The following STARD9 variants were observed in gnomAD, a reference collection of about 807,000 sequenced individuals.
STARD9 encodes the protein StAR related lipid transfer domain containing 9.
Under a neutral mutation model 399.8 loss-of-function variants are expected in STARD9, and 346 were observed. The ratio of observed to expected loss-of-function variants is 0.87; its 90% CI spans 0.79 to 0.95. STARD9 has a LOEUF of 0.95. STARD9 is among the 40% of genes least tolerant of loss of function. The pLI is 0.00. For missense variants in STARD9, 5,832 were observed against 5,667.5 expected, an observed-to-expected ratio of 1.03 and a Z score of -0.93; for synonymous variants, 2,203 against 2,143.5, an observed-to-expected ratio of 1.03 and a Z score of -0.77.
intron 26 of STARD9, among the ~76,000 whole-genome samples, chr15:42,706,891 C>T (rs1405811426): frequency 2.0e-5 from 3 of 152,132 alleles, no homozygotes; most frequent in Non-Finnish European, 4.4e-5. Flanking sequence ...ATCCATCCAT[C>T]TATCTATTTT....
intron 3 of STARD9, among the ~76,000 whole-genome samples, chr15:42,627,643 T>C (rs1377158133): frequency 6.6e-6 from 1 of 152,214 alleles, no homozygotes; most frequent in Non-Finnish European, 1.5e-5. Context: ...ACTCTCTGTT[T>C]TCATGAGTTC....
chr15:42,666,624 C>A (rs964565461), intron 15 of STARD9, among the ~76,000 whole-genome samples: 1 of 152,024 alleles, frequency 6.6e-6, no homozygotes, highest in African/African-American at 2.4e-5. Flanking sequence ...CTTCTTGAAT[C>A]AGGTTGGTGA....
intron 3 of STARD9, among the ~76,000 whole-genome samples, chr15:42,623,695 C>T (rs2059138238): frequency 6.6e-6 from 1 of 152,146 alleles, no homozygotes; most frequent in Non-Finnish European, 1.5e-5. Flanking sequence ...GTAGTCTCTC[C>T]CTTCTCTTGT....
At chr15:42,674,334 C>A in intron 16 of STARD9, 106 bp from the exon 17 acceptor site, 1 of 914,796 alleles carries the variant, frequency 1.1e-6, no homozygotes, top group Non-Finnish European at 1.7e-6. Flanking sequence ...AGAAGTGGTA[C>A]AGATGAGGCT....
At chr15:42,718,933 C>A (rs1313226186) in intron 32 of STARD9, 23 bp downstream of exon 32, 1 of 1,534,912 alleles carries the variant, frequency 6.5e-7, no homozygotes, top group South Asian at 1.2e-5. Context: ...TTGCAGCTGG[C>A]CTCACAGCAC....
rs768698358 is a variant in STARD9 at position 42,689,217 on chromosome 15, A to G, written c.7639A>G (p.Met2547Val). The G allele has an allele frequency of 3.3e-6, 5 of 1,537,288 alleles. No homozygotes were observed. Among genetic ancestry groups the G allele is most frequent in the Admixed American group, 2.0e-5 (1 of 51,008 alleles). ...RLLEPSDHAS[M>V]CLAILEEIRQ... ...GTTGGAGCCCTCTGACCATGCATCC[A>G]TGTGCCTGGCCATCTTGGAGGAGAT... is the stretch of plus-strand genomic sequence containing the variant. The change falls in exon 23 of 33, where the codon ATG becomes GTG. Residue 2547 changes from methionine to valine, a missense_variant. This residue lies in a region of STARD9 where 5,828 missense variants were observed against 5,651.1 expected (regional missense o/e 1.03). Transcript: ENST00000290607.
chr15:42,661,130 G>A (rs1388380771), intron 9 of STARD9, 28 bp from the exon 10 acceptor site: 1 of 1,496,040 alleles, frequency 6.7e-7, no homozygotes, highest in Admixed American at 2.0e-5. Context: ...CGTTCCAAAT[G>A]ACAGGCTTTA....
At chr15:42,633,634 G>GTTTC (rs2059370021) in intron 3 of STARD9, among the ~76,000 whole-genome samples, 1 of 148,398 alleles carries the variant, frequency 6.7e-6, no homozygotes, top group African/African-American at 2.5e-5. Flanking sequence ...GTCCGGCCCC[G>GTTTC]TTTCTTTCTT....
At chr15:42,602,026 T>C (rs1435408173) in intron 3 of STARD9, among the ~76,000 whole-genome samples, 1 of 152,218 alleles carries the variant, frequency 6.6e-6, no homozygotes, top group African/African-American at 2.4e-5. Flanking sequence ...TTTATATTTT[T>C]AGTAGAGACA....
At chr15:42,635,013 G>A in intron 4 of STARD9, 41 bp downstream of exon 4, 1 of 1,169,212 alleles carries the variant, frequency 8.6e-7, no homozygotes, top group Non-Finnish European at 1.2e-6. Context: ...GCCACAGCAA[G>A]CCTGAACCTT....
intron 8 of STARD9, among the ~76,000 whole-genome samples, chr15:42,651,737 A>G (rs1193955861): frequency 1.3e-5 from 2 of 152,170 alleles, no homozygotes; most frequent in Non-Finnish European, 2.9e-5. Context: ...TAAATTTAAC[A>G]TTCTCCTGAG....
chr15:42,694,438 G>T, intron 23 of STARD9, 90 bp from the exon 24 acceptor site: 8 of 1,524,722 alleles, frequency 5.2e-6, no homozygotes, highest in Non-Finnish European at 7.0e-6. Flanking sequence ...CTCTGCCCTG[G>T]TTCATCTCTG....
chr15:42,692,511 C>T lies in STARD9; in HGVS notation c.10933C>T (p.Leu3645Phe). ...TNTFEQGTQT[L>F]GSRRHWSSTD... ...CACATTCGAACAGGGCACACAGACC[C>T]TCGGCAGCAGGCGCCACTGGAGCAG... Residue 3645 changes from leucine (L) to phenylalanine (F), a missense_variant, in exon 23 of 33, where the codon CTC (leucine) becomes TTC (phenylalanine). Coordinates refer to ENST00000290607, the MANE Select transcript of STARD9 (RefSeq NM_020759.3). The T allele has an allele frequency of 6.5e-7, 1 of 1,537,190 alleles. No individual in the cohort carries two copies. The highest frequency in any genetic ancestry group is 8.7e-7 in the Non-Finnish European group (1 of 1,146,912).
rs1473798943 is a variant in STARD9, at chr15:42,685,332, T to C, written c.3754T>C (p.Cys1252Arg). Residue 1252 changes from cysteine (C) to arginine (R), a missense_variant, in exon 23 of 33, where the codon TGC becomes CGC. Physicochemically the swap from Cys to Arg is radical, Grantham distance 180. Coordinates refer to ENST00000290607, the MANE Select transcript of STARD9 (RefSeq NM_020759.3). ...SLPVMDQEAI[C>R]RLGPINYRTA... ...GCCTGTAATGGACCAAGAGGCAATATGCAGGCTTGGTCCCATCAACTACAG... is the reference window on the plus strand; with the variant it reads ...GCCTGTAATGGACCAAGAGGCAATACGCAGGCTTGGTCCCATCAACTACAG... 7.2e-6 allele frequency: 11 copies of C among 1,537,198 alleles called. No individual in the cohort carries two copies. The highest frequency in any genetic ancestry group is 3.3e-4 in the Middle Eastern group (2 of 6,012).
chr15:42,639,484 TC>T (rs1408885381), intron 7 of STARD9, among the ~76,000 whole-genome samples: 1 of 152,178 alleles, frequency 6.6e-6, no homozygotes, highest in Non-Finnish European at 1.5e-5. Context: ...CTGTCTTATA[TC>T]ATTAAGGTAG....
At chr15:42,652,866 CG>C (rs1447399309) in intron 9 of STARD9, among the ~76,000 whole-genome samples, 1 of 152,016 alleles carries the variant, frequency 6.6e-6, no homozygotes, top group Non-Finnish European at 1.5e-5. Context: ...TTAGTAAAGA[CG>C]GGGTTTCACC....
At chr15:42,582,262 T>C (rs1002024048) in intron 1 of STARD9, among the ~76,000 whole-genome samples, 7 of 152,226 alleles carry the variant, frequency 4.6e-5, no homozygotes, top group Non-Finnish European at 8.8e-5. Context: ...ACTGAAGGTA[T>C]TGTCTCAACT....
chr15:42,579,059 C>T (rs1315169009), intron 1 of STARD9, among the ~76,000 whole-genome samples: 2 of 152,206 alleles, frequency 1.3e-5, no homozygotes, highest in Non-Finnish European at 2.9e-5. Context: ...GGCTACTTAA[C>T]TATGAGGGGA....
At chr15:42,582,392 AT>A (rs1369568610) in intron 1 of STARD9, among the ~76,000 whole-genome samples, 1 of 152,146 alleles carries the variant, frequency 6.6e-6, no homozygotes, top group Non-Finnish European at 1.5e-5. Flanking sequence ...GTGGCTTTTC[AT>A]ATTATGAAAA....
Sources: gnomAD v4.1 joint callset for allele counts (sites outside exome capture counted in the v4.1 genomes callset) on GRCh38, gnomAD v4.1.1 for gene constraint, gnomAD v4.1.1 regional missense constraint, MANE v1.5 for transcripts, NCBI Gene and HGNC (gene_info 2026-07-23, HGNC 2026-07-21) for gene names.